Variants in DST observed in about 807,000 individuals in gnomAD.
DST encodes bullous pemphigoid antigen.
A neutral mutation model predicts 875.2 loss-of-function variants in DST; 253 were observed. That is an observed-to-expected ratio of 0.29 (90% CI 0.26 to 0.32). DST has a LOEUF of 0.32. Among genes scored for constraint, DST ranks in the 10% least tolerant of loss-of-function variants. The pLI is 1.00. For missense variants in DST, 8,287 were observed against 9,111.6 expected, an observed-to-expected ratio of 0.91 and a Z score of 3.68; for synonymous variants, 3,124 against 3,197.1, an observed-to-expected ratio of 0.98 and a Z score of 0.77.
rs747012346 is a variant in DST at position 56,526,575 on chromosome 6, C to A, written c.17923-8G>T. On this transcript the variant is annotated splice_region_variant and splice_polypyrimidine_tract_variant and intron_variant, in intron 68 of 103. Coordinates refer to ENST00000680361, the MANE Select transcript of DST (RefSeq NM_001374736.1). ...AGCTTCCTTTTTCAGTTCCTGAAAA[C>A]ATACAAATAAGTTAGTAACACTTAA... The A allele has an allele frequency of 4.3e-6, 7 of 1,611,728 alleles. No homozygotes were observed. In the South Asian group the frequency reaches 7.7e-5, roughly 18 times the overall value.
intron 5 of DST, among the ~76,000 whole-genome samples, chr6:56,705,395 A>G (rs181551376): frequency 6.6e-6 from 1 of 152,340 alleles, no homozygotes; most frequent in African/African-American, 2.4e-5. Flanking sequence ...ATATAGCACA[A>G]AATAATGAAA....
At chr6:56,676,525 T>C (rs1357350566) in intron 9 of DST, among the ~76,000 whole-genome samples, 1 of 152,190 alleles carries the variant, frequency 6.6e-6, no homozygotes, top group African/African-American at 2.4e-5. Flanking sequence ...CTGGGATTAT[T>C]ACTTGGATAT....
At chr6:56,503,181 T>C (rs902406614) in intron 78 of DST, among the ~76,000 whole-genome samples, 1 of 151,952 alleles carries the variant, frequency 6.6e-6, no homozygotes, top group African/African-American at 2.4e-5. Context: ...TTAATGGGTA[T>C]AAAAAAATAG....
intron 60 of DST, among the ~76,000 whole-genome samples, chr6:56,554,890 G>C (rs1000385635): frequency 1.3e-5 from 2 of 152,126 alleles, no homozygotes; most frequent in African/African-American, 4.8e-5. Context: ...CAGAATTATA[G>C]CCACAGTGAG....
intron 84 of DST, 58 bp downstream of exon 84, chr6:56,492,870 CAAAAAA>C: frequency 1.0e-6 from 1 of 967,120 alleles, no homozygotes; most frequent in Non-Finnish European, 1.3e-6. Flanking sequence ...GACTCAGTCT[CAAAAAA>C]AAAAAAAAAA....
At chr6:56,826,681 T>C (rs2099780857) in intron 4 of DST, among the ~76,000 whole-genome samples, 1 of 152,238 alleles carries the variant, frequency 6.6e-6, no homozygotes, top group Non-Finnish European at 1.5e-5. Context: ...ATATTACTTA[T>C]TAGTTGCTTA....
Position 56,634,914 on chromosome 6 carries a change from C to A in DST, c.3226G>T (p.Ala1076Ser). 6.2e-7 allele frequency: 1 copy of A among 1,613,404 alleles called. No homozygotes were observed. Among genetic ancestry groups the A allele is most frequent in the Non-Finnish European group, 8.5e-7 (1 of 1,179,650 alleles). Residue 1076 changes from alanine (A) to serine (S), a missense_variant, in exon 25 of 104, where the codon GCA becomes TCA. This residue lies in a region of DST where 1,160 missense variants were observed against 1,424.3 expected (regional missense o/e 0.81). Coordinates refer to ENST00000680361, the MANE Select transcript of DST (RefSeq NM_001374736.1). The stretch of plus-strand genomic sequence containing the variant: ...GTTTTTGCTTTTCCCATTAGGTTTG[C>A]TATAGTGCTTTTGTACTGCAGAAGT... ...EELLQYKSTI[A>S]NLMGKAKTII...
chr6:56,785,443 C>G (rs1044876273), intron 4 of DST, among the ~76,000 whole-genome samples: 1 of 152,138 alleles, frequency 6.6e-6, no homozygotes, highest in Non-Finnish European at 1.5e-5. Context: ...GCCTCGCTGC[C>G]GCCTTGCAGT....
chr6:56,905,216 C>CGT (rs150944175), intron 2 of DST, among the ~76,000 whole-genome samples: 1,973 of 150,662 alleles, frequency 0.013, 34 homozygotes, highest in East Asian at 0.042. Flanking sequence ...GATGTGCACT[C>CGT]GTGTGTGTGT....
chr6:56,701,919 T>C lies in DST; in HGVS notation c.923A>G (p.Gln308Arg). 1 of 1,611,944 alleles carries C rather than the reference T, an allele frequency of 6.2e-7. No homozygotes were observed. The highest frequency in any genetic ancestry group is 8.5e-7 in the Non-Finnish European group (1 of 1,178,616). The change falls in exon 8 of 104, where the codon CAA becomes CGA. Residue 308 changes from glutamine to arginine, a missense_variant. Gln to Arg is a conservative substitution (Grantham distance 43, BLOSUM62 1). Coordinates refer to ENST00000680361, the MANE Select transcript of DST (RefSeq NM_001374736.1). ...TCTTTTCAAATAGTCAAGTGCAATT[T>C]GTACATTCTGTAGTCTGTGAAAACG... ...RMRFHRLQNV[Q>R]IALDYLKRRQ...
At chr6:56,697,013 T>G (rs935346855) in intron 9 of DST, among the ~76,000 whole-genome samples, 14 of 152,108 alleles carry the variant, frequency 9.2e-5, no homozygotes, top group African/African-American at 3.4e-4. Context: ...TATCTGTACC[T>G]CTGGCTTCTC....
chr6:56,672,178 G>C (rs1408402057), intron 9 of DST, among the ~76,000 whole-genome samples: 5 of 152,164 alleles, frequency 3.3e-5, no homozygotes, highest in Non-Finnish European at 7.3e-5. Context: ...AGCCAATCCA[G>C]GGACCCGGGG....
rs1377349340 is a variant in DST at position 56,494,192 on chromosome 6, T to C, written c.20224-12A>G. The C allele has an allele frequency of 1.3e-6, 2 of 1,591,504 alleles. No homozygotes were observed. Among genetic ancestry groups the C allele is most frequent in the Non-Finnish European group, 1.7e-6 (2 of 1,167,988 alleles). ...GCAGCACAGACTTCCTAAATTGAGA[T>C]ACCCTCAAGTTATATCACTTTAAGA... On this transcript the variant is annotated splice_polypyrimidine_tract_variant and intron_variant, in intron 82 of 103. Coordinates refer to ENST00000680361, the MANE Select transcript of DST (RefSeq NM_001374736.1).
rs1351675853 is a variant in DST at position 56,693,303 on chromosome 6, T to C, written c.1047+6350A>G. 3 of 1,173,710 alleles carry C rather than the reference T, an allele frequency of 2.6e-6. No individual in the cohort carries two copies. The South Asian group carries it at 5.1e-5, about 20-fold the overall frequency. 72.7% of individuals were successfully genotyped at this position (1,173,710 alleles called of 1,614,324 possible). On this transcript the variant is annotated intron_variant, in intron 9 of 103. Coordinates refer to ENST00000680361, the MANE Select transcript of DST (RefSeq NM_001374736.1). ...CTTCAGTCTGAGGCCATTTTGCTTA[T>C]GAGAAAGGCACACACAAGAAATGCC...
At chr6:56,580,751 G>A (rs1388524716) in intron 49 of DST, among the ~76,000 whole-genome samples, 4 of 146,288 alleles carry the variant, frequency 2.7e-5, no homozygotes, top group Admixed American at 2.7e-4. Context: ...TTTGGTTGGG[G>A]GGGCAGCGTC....
Position 56,651,214 on chromosome 6 carries a change from A to G in DST, c.1245T>C (p.Ala415=), listed in dbSNP as rs2098973952. 1 of 1,610,256 alleles carries G rather than the reference A, an allele frequency of 6.2e-7. No homozygotes were observed. Among genetic ancestry groups the G allele is most frequent in the Non-Finnish European group, 8.5e-7 (1 of 1,178,070 alleles). The change falls in exon 11 of 104, where the codon GCT becomes GCC. Residue 415 remains alanine (A), a synonymous_variant. Transcript: ENST00000680361. The stretch of plus-strand genomic sequence containing the variant: ...CTAAATTTGCAAGGTTGCTTTGAAC[A>G]GCAACAGTATTCATATCTATCAGGT... ...RPDLIDMNTV[A]VQSNLANLEH...
rs755254624 is a variant in DST at position 56,742,381 on chromosome 6, G to A, written c.626-7092C>T. On this transcript the variant is annotated intron_variant, in intron 4 of 103. Coordinates refer to ENST00000680361, the MANE Select transcript of DST (RefSeq NM_001374736.1). Reference sequence around the variant, plus strand: ...TGCAGCAGTTCCCTAAACTCTCTCCGTACAAACTCTGATGTGTCAGAGTCC... The same window carrying A: ...TGCAGCAGTTCCCTAAACTCTCTCCATACAAACTCTGATGTGTCAGAGTCC... 13 of 1,286,614 alleles carry A rather than the reference G, an allele frequency of 1.0e-5. No individual in the cohort carries two copies. The African/African-American group carries it at 1.1e-4, about 11-fold the overall frequency. The allele number at this position is 1,286,614 out of a possible 1,614,324, so 79.7% of individuals were successfully genotyped here. A position where few individuals can be genotyped will look rare whatever the true frequency, so the allele number is the denominator to read the frequency against.
At chr6:56,948,358 G>A (rs1820733500) in intron 2 of DST, among the ~76,000 whole-genome samples, 1 of 152,118 alleles carries the variant, frequency 6.6e-6, no homozygotes, top group Non-Finnish European at 1.5e-5. Flanking sequence ...GTAAAATAAG[G>A]GTGACTTGAA....
chr6:56,712,992 A>G (rs2099382659), intron 5 of DST, among the ~76,000 whole-genome samples: 1 of 152,192 alleles, frequency 6.6e-6, no homozygotes, highest in South Asian at 2.1e-4. Context: ...ACAACAAAAA[A>G]AGAGAGCTCC....
Sources: gnomAD v4.1 joint callset for allele counts (sites outside exome capture counted in the v4.1 genomes callset) on GRCh38, gnomAD v4.1.1 for gene constraint, gnomAD v4.1.1 regional missense constraint, MANE v1.5 for transcripts, NCBI Gene and HGNC (gene_info 2026-07-23, HGNC 2026-07-21) for gene names.